Variants in SVIL observed in about 807,000 individuals in gnomAD.
SVIL encodes archvillin.
SVIL carries 101 observed loss-of-function variants against 240.4 expected under a neutral mutation model. The observed-to-expected ratio is 0.42, with a 90% confidence interval of 0.36 to 0.50. The LOEUF (loss-of-function observed/expected upper bound fraction) is 0.50, where lower values mean the gene tolerates loss of function less well. Ranked by LOEUF, SVIL falls within the 20% of genes least tolerant of loss-of-function variation. The pLI, the probability that SVIL is intolerant of heterozygous loss-of-function variation, is 0.01. For synonymous variants in SVIL, 999 were observed against 1,100.0 expected, an observed-to-expected ratio of 0.91 and a Z score of 1.82; for missense variants, 2,512 against 2,818.7, an observed-to-expected ratio of 0.89 and a Z score of 2.46.
intron 1 of SVIL, among the ~76,000 whole-genome samples, chr10:29,714,157 C>A (rs577205014): frequency 6.6e-6 from 1 of 152,342 alleles, no homozygotes; most frequent in African/African-American, 2.4e-5. Flanking sequence ...GGGACTGGAA[C>A]CCAGGCAGCT....
intron 1 of SVIL, among the ~76,000 whole-genome samples, chr10:29,594,865 A>G (rs1210392854): frequency 1.3e-5 from 2 of 152,190 alleles, no homozygotes; most frequent in East Asian, 1.9e-4. Flanking sequence ...CCTCTGCTCA[A>G]TTTTGAACCT....
intron 3 of SVIL, among the ~76,000 whole-genome samples, chr10:29,650,775 T>G (rs1448359125): frequency 6.6e-6 from 1 of 152,030 alleles, no homozygotes; most frequent in African/African-American, 2.4e-5. Context: ...ATAGCAAGAC[T>G]TTGTCTCTAC....
rs1198734257 is a variant in SVIL, at chr10:29,490,979, G to A, written c.4060C>T (p.Pro1354Ser). 6.2e-7 allele frequency: 1 copy of A among 1,613,988 alleles called. No individual in the cohort carries two copies. The highest frequency in any genetic ancestry group is 1.7e-5 in the Admixed American group (1 of 60,012). ...SVAEHKRAVR[P>S]KRRVQASKNP... ...TTGGAGGCCTGAACCCGGCGCTTGG[G>A]CCTAACTGCCCGCTTGTGCTCGGCC... is the stretch of plus-strand genomic sequence containing the variant. Residue 1354 changes from proline to serine, a missense_variant, in exon 22 of 38, where the codon CCC (proline) becomes TCC (serine). Coordinates refer to ENST00000355867, the MANE Select transcript of SVIL (RefSeq NM_021738.3).
At chr10:29,587,106 A>C (rs1273484634) in intron 1 of SVIL, among the ~76,000 whole-genome samples, 2 of 152,238 alleles carry the variant, frequency 1.3e-5, no homozygotes, top group Non-Finnish European at 2.9e-5. Context: ...TACAGAACTG[A>C]ACACACAAGC....
chr10:29,466,843 CTTTT>C (rs1172671432), intron 33 of SVIL, among the ~76,000 whole-genome samples: 1 of 152,054 alleles, frequency 6.6e-6, no homozygotes, highest in East Asian at 1.9e-4. Flanking sequence ...GACTTCATTT[CTTTT>C]TTTAACTTCT....
At chr10:29,514,801 C>G (rs1234865746) in intron 16 of SVIL, among the ~76,000 whole-genome samples, 1 of 152,186 alleles carries the variant, frequency 6.6e-6, no homozygotes, top group African/African-American at 2.4e-5. Context: ...CTCTAAGGGT[C>G]CTTCTTCCAA....
In SVIL at chr10:29,545,959, CAG is replaced by C. The variant is rs560944417; in HGVS notation, c.827+4636_827+4637del. Reference sequence around the variant, plus strand: ...TGCCAGTCACATAGTTCCCTGAGAACAGAGAGTGATGGCCGGATGCTCAGCAA... The same window carrying C: ...TGCCAGTCACATAGTTCCCTGAGAACAGAGTGATGGCCGGATGCTCAGCAA... On this transcript the variant is annotated intron_variant, in intron 6 of 37. Coordinates refer to ENST00000355867, the MANE Select transcript of SVIL (RefSeq NM_021738.3). Among the ~76,000 whole-genome samples the C allele has an allele frequency of 1.3e-3, 201 of 150,734 alleles. 2 individuals carry two copies. The highest frequency in any genetic ancestry group is 4.7e-3 in the African/African-American group (194 of 40,890).
In SVIL at chr10:29,631,369, C is replaced by T. The variant is rs182408553; in HGVS notation, c.-201+3051G>A. Among the ~76,000 whole-genome samples, 50 of 152,176 alleles carry T rather than the reference C, an allele frequency of 3.3e-4. No homozygotes were observed. The South Asian group carries it at 3.3e-3, about 10-fold the overall frequency. On this transcript the variant is annotated intron_variant, in intron 1 of 37. Transcript: ENST00000355867. Reference sequence around the variant, plus strand: ...TAAGAGATGGCGAGGCGAGGCCAGGCGCGGTGGCTCATGCCTGTAATCCCA... The same window carrying T: ...TAAGAGATGGCGAGGCGAGGCCAGGTGCGGTGGCTCATGCCTGTAATCCCA...
chr10:29,480,900 G>C (rs1224109067), intron 28 of SVIL, 87 bp from the exon 29 acceptor site: 2 of 1,451,470 alleles, frequency 1.4e-6, no homozygotes, highest in Non-Finnish European at 1.9e-6. Context: ...GCTGTTCATG[G>C]GACAGCATAA....
At chr10:29,636,345 G>A (rs1236351545), upstream of SVIL, among the ~76,000 whole-genome samples, 1 of 152,134 alleles carries the variant, frequency 6.6e-6, no homozygotes, top group Non-Finnish European at 1.5e-5. Flanking sequence ...CACTATTTGG[G>A]TCTTCTCTGT....
In SVIL at chr10:29,547,092, AT is replaced by A. The variant is rs552565504; in HGVS notation, c.827+3504del. ...TTGTTACTGTTTTGGGTTACCACAT[AT>A]TTTTTTTGGTTCATCTTACTTCTCC... is the stretch of plus-strand genomic sequence containing the variant. On this transcript the variant is annotated intron_variant, in intron 6 of 37. Transcript: ENST00000355867. Among the ~76,000 whole-genome samples, 439 of 151,916 alleles carry A rather than the reference AT, an allele frequency of 2.9e-3. 1 individual carries two copies. The highest frequency in any genetic ancestry group is 9.6e-3 in the African/African-American group (398 of 41,464).
intron 1 of SVIL, among the ~76,000 whole-genome samples, chr10:29,609,809 C>T (rs1188772275): frequency 1.3e-5 from 2 of 152,226 alleles, no homozygotes; most frequent in Non-Finnish European, 2.9e-5. Flanking sequence ...TTCACTCACT[C>T]ACATACCCAC....
At chr10:29,463,434 A>C in intron 35 of SVIL, 58 bp downstream of exon 35, 1 of 1,566,950 alleles carries the variant, frequency 6.4e-7, no homozygotes, top group Non-Finnish European at 8.7e-7. Context: ...CTGGCTGCGC[A>C]TGCCTGAGGG....
At chr10:29,726,035 C>G (rs551570607) in intron 1 of SVIL, among the ~76,000 whole-genome samples, 14 of 152,338 alleles carry the variant, frequency 9.2e-5, no homozygotes, top group African/African-American at 2.9e-4. Flanking sequence ...GATCCTCCCA[C>G]TTCAGCCACC....
intron 6 of SVIL, among the ~76,000 whole-genome samples, chr10:29,545,592 C>A (rs143808063): frequency 0.021 from 3,197 of 152,160 alleles, 66 homozygotes; most frequent in Admixed American, 0.055. Context: ...CGTGGTGGCT[C>A]ACGCCTGTAA....
upstream of SVIL, chr10:29,736,816 A>G (rs1206903604): frequency 3.3e-5 from 5 of 151,716 alleles, no homozygotes; most frequent in African/African-American, 4.9e-5. Context: ...GCTCTCGAGG[A>G]GGTGTGGGCC....
intron 1 of SVIL, among the ~76,000 whole-genome samples, chr10:29,620,882 G>T (rs1022346490): frequency 4.6e-5 from 7 of 152,124 alleles, no homozygotes; most frequent in African/African-American, 1.4e-4. Context: ...CTCCCAAAGT[G>T]CTGGGATTAC....
rs1441488755 is a variant in SVIL at position 29,467,845 on chromosome 10, G to A, written c.5874C>T (p.Ser1958=). Reference sequence around the variant, plus strand: ...CACACTCGTGTATTGTGACTTTGCTGCTACTATGCAGTCCTGCTTCCAGGG... The same window carrying A: ...CACACTCGTGTATTGTGACTTTGCTACTACTATGCAGTCCTGCTTCCAGGG... ...QCPLEAGLHS[S]SKVTIHECDE... The change falls in exon 33 of 38, where the codon AGC becomes AGT. Residue 1958 remains serine, a synonymous_variant. Transcript: ENST00000355867. 2.5e-6 allele frequency: 4 copies of A among 1,614,046 alleles called. No individual in the cohort carries two copies. The African/African-American group carries it at 4.0e-5, about 16-fold the overall frequency.
At chr10:29,506,446 G>A (rs542915617) in intron 17 of SVIL, among the ~76,000 whole-genome samples, 1 of 152,190 alleles carries the variant, frequency 6.6e-6, no homozygotes, top group East Asian at 1.9e-4. Context: ...GAAGAGGCGA[G>A]ATGACTACGG....
Sources: allele counts gnomAD v4.1 joint callset (sites outside exome capture counted in the v4.1 genomes callset), GRCh38; gene constraint gnomAD v4.1.1; transcripts MANE v1.5; gene names NCBI Gene and HGNC (gene_info 2026-07-23, HGNC 2026-07-21).